Variants in MIB2 observed in about 807,000 individuals in gnomAD.
MIB2 encodes E3 ubiquitin-protein ligase MIB2.
Under a neutral mutation model 96.6 loss-of-function variants are expected in MIB2, and 78 were observed. That is an observed-to-expected ratio of 0.81 (90% CI 0.67 to 0.97). The LOEUF is 0.97. MIB2 is among the 50% of genes least tolerant of loss of function. MIB2 has a pLI of 0.00. For missense variants in MIB2, 1,543 were observed against 1,424.0 expected, an observed-to-expected ratio of 1.08 and a Z score of -1.35; for synonymous variants, 820 against 629.5, an observed-to-expected ratio of 1.30 and a Z score of -4.53.
chr1:1,627,276 CCTG>C lies in MIB2; in HGVS notation c.1375-16_1375-14del. The C allele has an allele frequency of 6.2e-7, 1 of 1,613,190 alleles. No homozygotes were observed. Among genetic ancestry groups the C allele is most frequent in the Middle Eastern group, 1.6e-4 (1 of 6,062 alleles). ...TGAGGGGCAGAGGGCCAGGGACTCA[CCTG>C]CTGGCACTCTTGGCAGGTGGACACC... On this transcript the variant is annotated splice_polypyrimidine_tract_variant and intron_variant, in intron 11 of 19. Coordinates refer to ENST00000355826, the MANE Select transcript of MIB2 (RefSeq NM_001170687.4).
intron 16 of MIB2, 101 bp downstream of exon 16, chr1:1,628,823 G>A: frequency 9.3e-7 from 1 of 1,072,886 alleles, no homozygotes; most frequent in Non-Finnish European, 1.3e-6. Context: ...TCCAGTGATG[G>A]CCCAGGGAGC....
Position 1,625,615 on chromosome 1 carries a change from G to C in MIB2, c.934G>C (p.Glu312Gln). Residue 312 changes from glutamate (E) to glutamine (Q), a missense_variant, in exon 8 of 20, where the codon GAG (glutamate) becomes CAG (glutamine). Glu to Gln is a conservative substitution (Grantham distance 29, BLOSUM62 2). Transcript: ENST00000355826. This position sits in a 1 kb window ranked among gnomAD's most constrained non-coding sequence, Gnocchi z 5.0. ...RGDVRVQFNHETRWTFHPGAL... is the reference protein window; with the variant it reads ...RGDVRVQFNHQTRWTFHPGAL... Reference sequence around the variant, plus strand: ...GGACGTGCGCGTGCAGTTCAACCACGAGACGCGCTGGACCTTCCACCCCGG... The same window carrying C: ...GGACGTGCGCGTGCAGTTCAACCACCAGACGCGCTGGACCTTCCACCCCGG... The C allele has an allele frequency of 1.9e-6, 3 of 1,574,014 alleles. No homozygotes were observed. Among genetic ancestry groups the C allele is most frequent in the Non-Finnish European group, 2.6e-6 (3 of 1,160,260 alleles).
Position 1,629,688 on chromosome 1 carries a change from C to A in MIB2, c.2613C>A (p.Ser871Arg). The change falls in exon 19 of 20, where the codon AGC becomes AGA. Residue 871 changes from serine to arginine, a missense_variant. By Grantham distance (110) the Ser-to-Arg change is moderately radical. Transcript: ENST00000355826. ...GCATCAGGTGCCAGGTGGTCGTCAG[C>A]AAGAAACTGCGCCCAGGTGGGTGAG... ...KKCIRCQVVV[S>R]KKLRPDGSEV... is the part of the protein sequence containing the mutation. The A allele has an allele frequency of 6.3e-7, 1 of 1,598,486 alleles. No homozygotes were observed. The highest frequency in any genetic ancestry group is 8.5e-7 in the Non-Finnish European group (1 of 1,172,546).
chr1:1,627,718 G>T lies in MIB2; in HGVS notation c.1569G>T (p.Arg523=). The T allele has an allele frequency of 6.3e-7, 1 of 1,595,330 alleles. No individual in the cohort carries two copies. Among genetic ancestry groups the T allele is most frequent in the South Asian group, 1.1e-5 (1 of 90,396 alleles). The change falls in exon 13 of 20, where the codon CGG becomes CGT. Residue 523 remains arginine (R), a synonymous_variant. Transcript: ENST00000355826. ...GGGTGCTCCTGAGTGCTGGGTGCCG[G>T]GCGGACGCCATCAACAGCACCCAGA... ...ATRVLLSAGC[R]ADAINSTQST...
rs528678824 is a variant in MIB2 at position 1,626,773 on chromosome 1, C to T, written c.1077+19C>T. On this transcript the variant is annotated intron_variant, in intron 9 of 19. Transcript: ENST00000355826. The surrounding 1 kb of genome is among the most constrained non-coding windows in gnomAD (Gnocchi z 5.3). ...GGCCCCTGTGAGTCCCCCTGCCACC[C>T]CCGCCGCTAGCGCCGCTGCCCCCCA... 2.6e-6 allele frequency: 4 copies of T among 1,566,844 alleles called. No homozygotes were observed. Among genetic ancestry groups the T allele is most frequent in the Non-Finnish European group, 2.6e-6 (3 of 1,159,134 alleles).
chr1:1,615,211 C>A (rs1283927743), upstream of MIB2: 10 of 654,662 alleles, frequency 1.5e-5, no homozygotes, highest in Admixed American at 3.9e-5. Flanking sequence ...GGATAGGGCC[C>A]GCACTGGTGG....
At position 1,628,337 on chromosome 1, in the gene MIB2, A is replaced by G. The variant is rs568683480; in HGVS notation, c.1906A>G (p.Thr636Ala). The change falls in exon 15 of 20, where the codon ACG becomes GCG. Residue 636 changes from threonine to alanine, a missense_variant. Coordinates refer to ENST00000355826, the MANE Select transcript of MIB2 (RefSeq NM_001170687.4). Reference protein sequence around the residue: ...LVDAKKEDGFTALHLAALNNH... With the variant: ...LVDAKKEDGFAALHLAALNNH... ...GGACGCCAAGAAGGAGGACGGCTTC[A>G]CGGCGCTGCATCTGGCTGCCCTCAA... The G allele has an allele frequency of 3.6e-5, 58 of 1,612,864 alleles. No homozygotes were observed. The highest frequency in any genetic ancestry group is 2.1e-4 in the South Asian group (19 of 91,090).
chr1:1,616,844 C>CG lies in MIB2; in HGVS notation c.-23+231dup, dbSNP rs1278850763. 9 of 472,120 alleles carry CG rather than the reference C, an allele frequency of 1.9e-5. No individual in the cohort carries two copies. In the Admixed American group the frequency reaches 3.1e-4, roughly 16 times the overall value. 29.2% of individuals were successfully genotyped at this position (472,120 alleles called of 1,614,324 possible). A position where few individuals can be genotyped will look rare whatever the true frequency, so the allele number is the denominator to read the frequency against. On this transcript the variant is annotated intron_variant, in intron 2 of 19. Transcript: ENST00000355826. Reference sequence around the variant, plus strand: ...ACCTGCAGGATTGGGGCAGAGCGGCCGCAGCGCAGGAGCGCCGGCAAGCCT... The same window carrying CG: ...ACCTGCAGGATTGGGGCAGAGCGGCCGGCAGCGCAGGAGCGCCGGCAAGCCT...
At chr1:1,616,112 C>T in intron 1 of MIB2, 2 of 983,856 alleles carry the variant, frequency 2.0e-6, no homozygotes, top group Non-Finnish European at 2.4e-6. Flanking sequence ...TACTGCGCGG[C>T]CCTGGCAAGG....
intron 13 of MIB2, 32 bp from the exon 14 acceptor site, chr1:1,627,986 AC>A (rs2100544048): frequency 6.2e-7 from 1 of 1,608,930 alleles, no homozygotes; most frequent in Non-Finnish European, 8.5e-7. Context: ...AGCAGAAGTC[AC>A]CCCCAGGTGA....
At chr1:1,629,100 C>T (rs761062124) in intron 16 of MIB2, 33 bp from the exon 17 acceptor site, 1 of 1,417,214 alleles carries the variant, frequency 7.1e-7, no homozygotes, top group South Asian at 1.5e-5. Context: ...TGCCCCGGCG[C>T]CCGCCCTCAC....
chr1:1,624,088 G>A lies in MIB2; in HGVS notation c.419+143G>A, dbSNP rs528079087. The A allele has an allele frequency of 1.5e-4, 153 of 1,010,336 alleles. No homozygotes were observed. The East Asian group carries it at 2.5e-3, about 17-fold the overall frequency. 62.6% of individuals were successfully genotyped at this position (1,010,336 alleles called of 1,614,324 possible). A position where few individuals can be genotyped will look rare whatever the true frequency, so the allele number is the denominator to read the frequency against. On this transcript the variant is annotated intron_variant, in intron 4 of 19. Transcript: ENST00000355826. ...CTCCAGAGCCGTGGCCTTAAGCAGT[G>A]GTGCCATGGGCAGGGCACAGAGGGT... is the stretch of plus-strand genomic sequence containing the variant.
At chr1:1,615,360 T>C, upstream of MIB2, 1 of 1,409,646 alleles carries the variant, frequency 7.1e-7, no homozygotes, top group Non-Finnish European at 9.2e-7. Flanking sequence ...GCTAAGCCGC[T>C]CGGAACCTAG....
rs371938823 is a variant in MIB2, at chr1:1,623,507, G to A, written c.55G>A (p.Val19Met). 2.1e-5 allele frequency: 33 copies of A among 1,564,240 alleles called. No homozygotes were observed. The highest frequency in any genetic ancestry group is 4.7e-5 in the East Asian group (2 of 42,114). Residue 19 changes from valine (V) to methionine (M), a missense_variant, in exon 3 of 20, where the codon GTG becomes ATG. Val to Met is a conservative substitution (Grantham distance 21). Coordinates refer to ENST00000355826, the MANE Select transcript of MIB2 (RefSeq NM_001170687.4). Reference sequence around the variant, plus strand: ...GGTGGGCATGCGGGTGGTGCGCGGCGTGGACTGGAAGTGGGGCCAGCAGGA... The same window carrying A: ...GGTGGGCATGCGGGTGGTGCGCGGCATGGACTGGAAGTGGGGCCAGCAGGA... ...VQVGMRVVRGVDWKWGQQDGG... is the reference protein window; with the variant it reads ...VQVGMRVVRGMDWKWGQQDGG...
At chr1:1,616,103 A>G (rs1643617358) in intron 1 of MIB2, 6 of 983,972 alleles carry the variant, frequency 6.1e-6, no homozygotes, top group Non-Finnish European at 7.2e-6. Flanking sequence ...GTCGGCAGGT[A>G]CTGCGCGGCC....
chr1:1,616,951 C>T (rs939632113), intron 2 of MIB2: 5 of 274,580 alleles, frequency 1.8e-5, no homozygotes, highest in South Asian at 6.8e-5. Context: ...ATGTGGCGCT[C>T]TCCTGGCCGA....
Position 1,630,571 on chromosome 1 carries a change from C to T in MIB2, c.*41C>T, listed in dbSNP as rs1638739096. 3 of 1,432,944 alleles carry T rather than the reference C, an allele frequency of 2.1e-6. No individual in the cohort carries two copies. The highest frequency in any genetic ancestry group is 1.3e-5 in the South Asian group (1 of 74,906). The allele number at this position is 1,432,944 out of a possible 1,614,324, so 88.8% of individuals were successfully genotyped here. On this transcript the variant is annotated 3_prime_UTR_variant, in exon 20 of 20. Coordinates refer to ENST00000355826, the MANE Select transcript of MIB2 (RefSeq NM_001170687.4). ...GCGCCCGAGCTGCCTTCGCGTGCCC[C>T]CGCCCTGTGTTTTATAAAAAGAAAG... is the stretch of plus-strand genomic sequence containing the variant.
Position 1,628,302 on chromosome 1 carries a change from G to T in MIB2, c.1871G>T (p.Arg624Leu). The T allele has an allele frequency of 1.2e-6, 2 of 1,612,926 alleles. No individual in the cohort carries two copies. Among genetic ancestry groups the T allele is most frequent in the Non-Finnish European group, 8.5e-7 (1 of 1,179,948 alleles). The change falls in exon 15 of 20, where the codon CGG becomes CTG. Residue 624 changes from arginine (R) to leucine (L), a missense_variant. Coordinates refer to ENST00000355826, the MANE Select transcript of MIB2 (RefSeq NM_001170687.4). ...GTGAGAAAGATTCTGGCTCGGGCGC[G>T]GCAGCTGGTGGACGCCAAGAAGGAG... ...LAVRKILARA[R>L]QLVDAKKEDG...
chr1:1,620,461 C>A (rs1352766771), intron 2 of MIB2, among the ~76,000 whole-genome samples: 2 of 152,152 alleles, frequency 1.3e-5, no homozygotes, highest in Admixed American at 6.5e-5. Context: ...AGGGAGGAGT[C>A]CCCGGCTTAG....
Sources: allele counts gnomAD v4.1 joint callset (sites outside exome capture counted in the v4.1 genomes callset), GRCh38; gene constraint gnomAD v4.1.1; non-coding constraint Gnocchi (gnomAD v3.1); transcripts MANE v1.5; gene names NCBI Gene and HGNC (gene_info 2026-07-23, HGNC 2026-07-21).